The following SP1 variants were observed in gnomAD, a reference collection of about 807,000 sequenced individuals.
SP1 encodes transcription factor Sp1.
A neutral mutation model predicts 66.3 loss-of-function variants in SP1; 6 were observed. The observed-to-expected ratio is 0.09, with a 90% CI of 0.05 to 0.18. SP1 has a LOEUF of 0.18. SP1 is among the 10% of genes least tolerant of loss of function. The probability of loss-of-function intolerance (pLI) is 1.00; values close to 1 mark genes in which losing one functional copy is unlikely to be tolerated. For synonymous variants in SP1, 417 were observed against 360.8 expected (o/e 1.16, Z -1.77); for missense variants, 848 against 964.5 (o/e 0.88, Z 1.60).
intron 3 of SP1, among the ~76,000 whole-genome samples, chr12:53,384,030 C>T (rs143745074): frequency 0.011 from 1,572 of 149,526 alleles, 24 homozygotes; most frequent in African/African-American, 0.036. Context: ...AGTGCAGTGG[C>T]GCGATCTCGG....
intron 3 of SP1, among the ~76,000 whole-genome samples, chr12:53,404,126 G>A (rs1293929445): frequency 3.3e-5 from 5 of 151,526 alleles, no homozygotes; most frequent in Admixed American, 2.6e-4. Flanking sequence ...AGCCGAGATC[G>A]CGCTACTGCA....
intron 3 of SP1, among the ~76,000 whole-genome samples, chr12:53,386,650 C>T (rs1441467464): frequency 6.6e-6 from 1 of 151,886 alleles, no homozygotes; most frequent in Admixed American, 6.6e-5. Context: ...TGCCACCATG[C>T]CCGCCTAATT....
chr12:53,380,568 A>T (rs1024871694), intron 1 of SP1: 10 of 729,960 alleles, frequency 1.4e-5, no homozygotes, highest in Non-Finnish European at 1.6e-5. Context: ...GACGGGCCTT[A>T]CCCCCCACTA....
intron 5 of SP1, among the ~76,000 whole-genome samples, chr12:53,410,708 T>G (rs1448001119): frequency 6.6e-6 from 1 of 152,090 alleles, no homozygotes; most frequent in African/African-American, 2.4e-5. Flanking sequence ...GGTTTCACCG[T>G]GGTCTTGATC....
At position 53,411,776 on chromosome 12, in the gene SP1, C is replaced by G. The variant is rs1381989727; in HGVS notation, c.*536C>G. 2 of 152,116 alleles carry G rather than the reference C, an allele frequency of 1.3e-5. No homozygotes were observed. The highest frequency in any genetic ancestry group is 1.3e-4 in the Admixed American group (2 of 15,196). The allele number at this position is 152,116 out of a possible 1,614,324, so 9.4% of individuals were successfully genotyped here. A position where few individuals can be genotyped will look rare whatever the true frequency, so the allele number is the denominator to read the frequency against. On this transcript the variant is annotated 3_prime_UTR_variant, in exon 6 of 6. Coordinates refer to ENST00000327443, the MANE Select transcript of SP1 (RefSeq NM_138473.3). ...ATTTTTTTTATATTGCCTTATTTCC[C>G]TATGGCTGAGCCTTGTTGTGACACA... is the stretch of plus-strand genomic sequence containing the variant.
chr12:53,382,490 C>T lies in SP1; in HGVS notation c.543C>T (p.Thr181=), dbSNP rs780674574. The change falls in exon 3 of 6, where the codon ACC becomes ACT. Residue 181 remains threonine, a synonymous_variant. Coordinates refer to ENST00000327443, the MANE Select transcript of SP1 (RefSeq NM_138473.3). The part of the protein sequence containing the change: ...IQYQVIPQFQ[T]VDGQQLQFAA... The stretch of plus-strand genomic sequence containing the variant: ...ATCAAGTAATCCCACAGTTCCAGAC[C>T]GTTGATGGGCAACAGCTGCAGTTTG... 7.4e-6 allele frequency: 12 copies of T among 1,614,040 alleles called. No homozygotes were observed. Among genetic ancestry groups the T allele is most frequent in the Admixed American group, 3.3e-5 (2 of 59,978 alleles).
intron 3 of SP1, among the ~76,000 whole-genome samples, chr12:53,385,166 G>C (rs905027536): frequency 6.6e-6 from 1 of 150,868 alleles, no homozygotes; most frequent in African/African-American, 2.4e-5. Flanking sequence ...ATGGTGATGC[G>C]CGCCTGTAGT....
intron 3 of SP1, among the ~76,000 whole-genome samples, chr12:53,398,320 T>A (rs1006791673): frequency 3.3e-5 from 5 of 152,200 alleles, no homozygotes; most frequent in South Asian, 2.1e-4. Flanking sequence ...TCTCGCTCTG[T>A]CTCCCAGGCT....
rs765947034 is a variant in SP1, at chr12:53,383,586, A to G, written c.1639A>G (p.Ile547Val). 5 of 1,612,206 alleles carry G rather than the reference A, an allele frequency of 3.1e-6. No homozygotes were observed. Among genetic ancestry groups the G allele is most frequent in the Admixed American group, 1.7e-5 (1 of 59,966 alleles). Residue 547 changes from isoleucine (I) to valine (V), a missense_variant, in exon 3 of 6, where the codon ATT becomes GTT. Coordinates refer to ENST00000327443, the MANE Select transcript of SP1 (RefSeq NM_138473.3). ...TACTTCAGGAATCCAGGTGCACCCA[A>G]TTCAAGGCCTGCCGTTGGCTATAGC... ...LGTSGIQVHP[I>V]QGLPLAIANA...
rs770744989 is a variant in SP1 at position 53,406,590 on chromosome 12, C to T, written c.1681C>T (p.His561Tyr). 1.2e-6 allele frequency: 2 copies of T among 1,613,628 alleles called. No individual in the cohort carries two copies. Among genetic ancestry groups the T allele is most frequent in the African/African-American group, 1.3e-5 (1 of 74,868 alleles). ...CTTTTCTCTCTTAATTTCAGGTGATCATGGAGCTCAGCTTGGTCTCCATGG... is the reference window on the plus strand; with the variant it reads ...CTTTTCTCTCTTAATTTCAGGTGATTATGGAGCTCAGCTTGGTCTCCATGG... ...PLAIANAPGD[H>Y]GAQLGLHGAG... The change falls in exon 4 of 6, where the codon CAT becomes TAT. Residue 561 changes from histidine to tyrosine, a missense_variant. Around this residue, in one of 7 missense-constraint regions of SP1, gnomAD observed 606 missense variants for 589.9 expected, o/e 1.03. Coordinates refer to ENST00000327443, the MANE Select transcript of SP1 (RefSeq NM_138473.3).
In SP1 at chr12:53,406,473, G is replaced by C. The variant is rs1938741460; in HGVS notation, c.1676-112G>C. The C allele has an allele frequency of 1.6e-5, 14 of 873,084 alleles. No individual in the cohort carries two copies. The Admixed American group carries it at 3.3e-4, about 20-fold the overall frequency. The allele number at this position is 873,084 out of a possible 1,614,324, so 54.1% of individuals were successfully genotyped here. Reference sequence around the variant, plus strand: ...AAGGCTTCAAAACTTGTGATACTGTGAATGTAGGATGTCAGTTCAAAAGAA... The same window carrying C: ...AAGGCTTCAAAACTTGTGATACTGTCAATGTAGGATGTCAGTTCAAAAGAA... On this transcript the variant is annotated intron_variant, in intron 3 of 5. Transcript: ENST00000327443.
intron 3 of SP1, among the ~76,000 whole-genome samples, chr12:53,388,977 C>A (rs1167744405): frequency 6.3e-4 from 88 of 140,130 alleles, no homozygotes; most frequent in East Asian, 1.0e-3. Flanking sequence ...GAGTCCCTGT[C>A]AAAAAAAAAA....
rs1275925177 is a variant in SP1, at chr12:53,385,216, C to T, written c.1675+1594C>T. Among the ~76,000 whole-genome samples the T allele has an allele frequency of 3.4e-5, 5 of 147,672 alleles. No individual in the cohort carries two copies. The East Asian group carries it at 6.1e-4, about 18-fold the overall frequency. On this transcript the variant is annotated intron_variant, in intron 3 of 5. Transcript: ENST00000327443. ...AGGCTGAGGCCAAGAATTGCTTGAA[C>T]CTGGGAGGCAGAGGCTGCAGTGAGC...
At chr12:53,402,435 G>T (rs77958682) in intron 3 of SP1, among the ~76,000 whole-genome samples, 1 of 151,602 alleles carries the variant, frequency 6.6e-6, no homozygotes, top group Non-Finnish European at 1.5e-5. Flanking sequence ...TCTTGGCCAG[G>T]CTGGTCTCGA....
At position 53,382,802 on chromosome 12, in the gene SP1, G is replaced by A. The variant is rs147536612; in HGVS notation, c.855G>A (p.Thr285=). ...ATLTPSSQAV[T]ISSSGSQESG... is the part of the protein sequence containing the mutation. Reference sequence around the variant, plus strand: ...TGACTCCCAGCTCTCAGGCAGTCACGATCAGCAGCTCTGGGTCCCAGGAGA... The same window carrying A: ...TGACTCCCAGCTCTCAGGCAGTCACAATCAGCAGCTCTGGGTCCCAGGAGA... The change falls in exon 3 of 6, where the codon ACG becomes ACA. Residue 285 remains threonine (T), a synonymous_variant. Coordinates refer to ENST00000327443, the MANE Select transcript of SP1 (RefSeq NM_138473.3). 1.7e-4 allele frequency: 278 copies of A among 1,614,156 alleles called. 2 individuals are homozygous for A. In the East Asian group the frequency reaches 5.8e-3, roughly 34 times the overall value.
chr12:53,385,482 C>T (rs1049701007), intron 3 of SP1, among the ~76,000 whole-genome samples: 2 of 148,754 alleles, frequency 1.3e-5, no homozygotes, highest in African/African-American at 5.0e-5. Flanking sequence ...GTAGTCCCAG[C>T]GACTCAGGAG....
At chr12:53,406,553 C>G in intron 3 of SP1, 32 bp from the exon 4 acceptor site, 1 of 1,604,762 alleles carries the variant, frequency 6.2e-7, no homozygotes, top group Non-Finnish European at 8.5e-7. Context: ...CTGCCCATGT[C>G]ACATGTTGAC....
At chr12:53,389,165 C>T (rs1938294651) in intron 3 of SP1, among the ~76,000 whole-genome samples, 1 of 149,600 alleles carries the variant, frequency 6.7e-6, no homozygotes, top group Non-Finnish European at 1.5e-5. Flanking sequence ...AAGATTGCAG[C>T]TTCCATGGTG....
At chr12:53,399,323 T>G (rs1938555461) in intron 3 of SP1, among the ~76,000 whole-genome samples, 2 of 129,904 alleles carry the variant, frequency 1.5e-5, no homozygotes, top group Admixed American at 7.4e-5. Flanking sequence ...TAATTTTTGT[T>G]TTTTTGTTTT....
Sources: gnomAD v4.1 joint callset for allele counts (sites outside exome capture counted in the v4.1 genomes callset) on GRCh38, gnomAD v4.1.1 for gene constraint, gnomAD v4.1.1 regional missense constraint, MANE v1.5 for transcripts, NCBI Gene and HGNC (gene_info 2026-07-23, HGNC 2026-07-21) for gene names.